Variants in PPP2R2C observed in about 807,000 individuals in gnomAD.
PPP2R2C encodes the protein protein phosphatase 2, regulatory subunit B, gamma.
In PPP2R2C, 10 loss-of-function variants were observed where a neutral mutation model predicts 45.3. The observed-to-expected ratio is 0.22, with a 90% CI of 0.14 to 0.37. The LOEUF is 0.37. Among genes scored for constraint, PPP2R2C ranks in the 10% least tolerant of loss-of-function variants. PPP2R2C has a pLI of 1.00. For synonymous variants in PPP2R2C, 257 were observed against 245.4 expected (o/e 1.05, Z -0.44); for missense variants, 308 against 619.7 (o/e 0.50, Z 5.34).
rs1055909216 is a variant in PPP2R2C at position 6,440,175 on chromosome 4, A to C, written c.70+31985T>G. ...TGGGTATGACCATAGGGACCAAGCC[A>C]TCTCTAGATCCCCAAGGCCTGGCAT... On this transcript the variant is annotated intron_variant, in intron 1 of 8. Coordinates refer to ENST00000382599, the MANE Select transcript of PPP2R2C (RefSeq NM_020416.4). 2.0e-5 allele frequency among the ~76,000 whole-genome samples: 3 copies of C among 152,218 alleles called. No individual in the cohort carries two copies. The East Asian group carries it at 5.8e-4, about 29-fold the overall frequency.
chr4:6,497,071 A>G (rs1335748371), intron 2 of PPP2R2C, among the ~76,000 whole-genome samples: 1 of 152,052 alleles, frequency 6.6e-6, no homozygotes, highest in Non-Finnish European at 1.5e-5. Context: ...TAAGGGGACA[A>G]TGCTTGATCT....
chr4:6,323,476 T>C lies in PPP2R2C; in HGVS notation c.1170A>G (p.Pro390=). ...GCTTGCCCCCCACGCACACGCGCCG[T>C]GGCTTGAGCACAGCCCGGGGCTTGC... is the stretch of plus-strand genomic sequence containing the variant. ...ESSKPRAVLK[P]RRVCVGGKRR... Residue 390 remains proline (P), a synonymous_variant, in exon 9 of 9, where the codon CCA becomes CCG. Transcript: ENST00000382599. 1 of 1,612,450 alleles carries C rather than the reference T, an allele frequency of 6.2e-7. No homozygotes were observed. Among genetic ancestry groups the C allele is most frequent in the South Asian group, 1.1e-5 (1 of 91,032 alleles).
rs189101278 is a variant in PPP2R2C, at chr4:6,508,357, T to C, written c.49+26914A>G. On this transcript the variant is annotated intron_variant, in intron 2 of 9. Transcript: ENST00000506140. ...ATCCCAGCACTTTGGGAGGCCGAGGTGGGCGAATCACGAGGTCAGGAGTTT... is the reference window on the plus strand; with the variant it reads ...ATCCCAGCACTTTGGGAGGCCGAGGCGGGCGAATCACGAGGTCAGGAGTTT... Among the ~76,000 whole-genome samples the C allele has an allele frequency of 8.6e-3, 1,313 of 152,072 alleles. 13 individuals carry two copies. Among genetic ancestry groups the C allele is most frequent in the Middle Eastern group, 0.024 (7 of 294 alleles).
At chr4:6,370,169 C>T (rs1714682066) in intron 5 of PPP2R2C, among the ~76,000 whole-genome samples, 1 of 152,188 alleles carries the variant, frequency 6.6e-6, no homozygotes, top group African/African-American at 2.4e-5. Context: ...AGGGCAAAAG[C>T]CCTGGACCAG....
At position 6,332,762 on chromosome 4, in the gene PPP2R2C, G is replaced by A. The variant is rs901121583; in HGVS notation, c.960+800C>T. ...AATGGAGGTGACAGATGTCAAGCAC[G>A]TGGCACCCCATGTGTGAGGAGTGAC... On this transcript the variant is annotated intron_variant, in intron 7 of 8. Transcript: ENST00000382599. This position sits in a 1 kb window ranked among gnomAD's most constrained non-coding sequence, Gnocchi z 4.9. Among the ~76,000 whole-genome samples, 7 of 152,116 alleles carry A rather than the reference G, an allele frequency of 4.6e-5. No homozygotes were observed. The highest frequency in any genetic ancestry group is 1.3e-4 in the Admixed American group (2 of 15,278).
intron 2 of PPP2R2C, among the ~76,000 whole-genome samples, chr4:6,489,476 C>T (rs1483932555): frequency 6.6e-6 from 1 of 152,150 alleles, no homozygotes; most frequent in Non-Finnish European, 1.5e-5. Context: ...GCAGTATGCT[C>T]CACAAAACTC....
intron 1 of PPP2R2C, among the ~76,000 whole-genome samples, chr4:6,410,157 C>G (rs1313469834): frequency 6.6e-6 from 1 of 152,194 alleles, no homozygotes; most frequent in Admixed American, 6.5e-5. Flanking sequence ...AAGGTGTGAG[C>G]CCTCCCCACA....
At chr4:6,485,947 CT>C (rs1483845373) in intron 2 of PPP2R2C, among the ~76,000 whole-genome samples, 1 of 151,794 alleles carries the variant, frequency 6.6e-6, no homozygotes, top group Admixed American at 6.6e-5. Context: ...TTAATTTGCT[CT>C]TCTTTTCCTA....
chr4:6,431,384 G>A (rs368163310), intron 1 of PPP2R2C, among the ~76,000 whole-genome samples: 26 of 152,330 alleles, frequency 1.7e-4, no homozygotes, highest in African/African-American at 6.3e-4. Context: ...CTGCTCCCAG[G>A]ACAAAATCAG....
At chr4:6,546,903 GAAGAGGGGAGAAAAGGA>G (rs1725004848) in intron 1 of PPP2R2C, among the ~76,000 whole-genome samples, 1 of 152,196 alleles carries the variant, frequency 6.6e-6, no homozygotes, top group African/African-American at 2.4e-5. Flanking sequence ...ACAAAAGATG[GAAGAGGGGAGAAAAGGA>G]AAGAGGGGAG....
At chr4:6,443,045 A>G (rs1191513735) in intron 1 of PPP2R2C, among the ~76,000 whole-genome samples, 1 of 151,970 alleles carries the variant, frequency 6.6e-6, no homozygotes, top group African/African-American at 2.4e-5. Flanking sequence ...CCCACCTCCC[A>G]TTTCCGTCTG....
chr4:6,465,065 G>A (rs977782650), intron 1 of PPP2R2C, among the ~76,000 whole-genome samples: 3 of 152,140 alleles, frequency 2.0e-5, no homozygotes, highest in African/African-American at 7.2e-5. Flanking sequence ...GTGACTTGGG[G>A]GCGGGGCCAA....
intron 2 of PPP2R2C, among the ~76,000 whole-genome samples, chr4:6,526,636 T>C (rs1436011274): frequency 6.6e-6 from 1 of 152,172 alleles, no homozygotes; most frequent in Non-Finnish European, 1.5e-5. Flanking sequence ...AGAATGTCCA[T>C]CCATCTCCCT....
At position 6,364,316 on chromosome 4, in the gene PPP2R2C, C is replaced by G. The variant is rs1375214751; in HGVS notation, c.625+8207G>C. On this transcript the variant is annotated intron_variant, in intron 5 of 8. Coordinates refer to ENST00000382599, the MANE Select transcript of PPP2R2C (RefSeq NM_020416.4). The surrounding 1 kb of genome is among the most constrained non-coding windows in gnomAD (Gnocchi z 5.3). ...TGGAAATATGGTGAAGAGCAGGGGG[C>G]CGGGAACGCTGAGCCCAGGGAGCAA... Among the ~76,000 whole-genome samples, 1 of 152,144 alleles carries G rather than the reference C, an allele frequency of 6.6e-6. No individual in the cohort carries two copies. Among genetic ancestry groups the G allele is most frequent in the Admixed American group, 6.5e-5 (1 of 15,276 alleles).
At chr4:6,510,995 AAAC>A (rs1456270631) in intron 2 of PPP2R2C, among the ~76,000 whole-genome samples, 1,716 of 68,302 alleles carry the variant, frequency 0.025, 102 homozygotes, top group African/African-American at 0.071. Flanking sequence ...AAAAACAAAC[AAAC>A]AAAAAAAAAA....
intron 5 of PPP2R2C, among the ~76,000 whole-genome samples, chr4:6,354,746 C>A (rs1712988255): frequency 6.6e-6 from 1 of 151,512 alleles, no homozygotes; most frequent in Non-Finnish European, 1.5e-5. Flanking sequence ...GAGGGTTCCA[C>A]AGTCAGTGAG....
intron 8 of PPP2R2C, among the ~76,000 whole-genome samples, chr4:6,326,820 C>T (rs781376498): frequency 6.6e-6 from 1 of 152,208 alleles, no homozygotes; most frequent in East Asian, 1.9e-4. Flanking sequence ...GGAAGCCCCA[C>T]GGCAGGGGCC....
chr4:6,351,172 G>A, intron 5 of PPP2R2C: 1 of 530,628 alleles, frequency 1.9e-6, no homozygotes, highest in Non-Finnish European at 2.4e-6. Flanking sequence ...AAATTAGCCA[G>A]GCGTGGTGGC....
intron 6 of PPP2R2C, among the ~76,000 whole-genome samples, chr4:6,338,327 G>A (rs1429335305): frequency 6.6e-6 from 1 of 152,140 alleles, no homozygotes; most frequent in African/African-American, 2.4e-5. Context: ...GGCTCGAGCC[G>A]GTTCCCTGAC....
Sources: allele counts gnomAD v4.1 joint callset (sites outside exome capture counted in the v4.1 genomes callset), GRCh38; gene constraint gnomAD v4.1.1; non-coding constraint Gnocchi (gnomAD v3.1); transcripts MANE v1.5; gene names NCBI Gene and HGNC (gene_info 2026-07-23, HGNC 2026-07-21).